GDAP2: variants seen among roughly 807,000 people sequenced by gnomAD.
GDAP2 encodes ganglioside-induced differentiation-associated protein 2.
In GDAP2, 51 loss-of-function variants were observed where a neutral mutation model predicts 67.0. The observed-to-expected ratio is 0.76, with a 90% CI of 0.61 to 0.96. The LOEUF (loss-of-function observed/expected upper bound fraction) is 0.96. Among genes scored for constraint, GDAP2 ranks in the 40% least tolerant of loss-of-function variants. GDAP2 has a pLI of 0.00. For synonymous variants in GDAP2, 203 were observed against 207.3 expected (o/e 0.98, Z 0.18); for missense variants, 547 against 588.3 (o/e 0.93, Z 0.73).
chr1:117,922,946 G>A (rs990914987), intron 1 of GDAP2, among the ~76,000 whole-genome samples: 4 of 152,180 alleles, frequency 2.6e-5, no homozygotes, highest in East Asian at 3.8e-4. Flanking sequence ...ACACTCCCAC[G>A]GTGGACATTT....
At chr1:117,874,642 T>C (rs1292834437) in intron 13 of GDAP2, among the ~76,000 whole-genome samples, 1 of 152,142 alleles carries the variant, frequency 6.6e-6, no homozygotes, top group Non-Finnish European at 1.5e-5. Context: ...GCTTTGGAAC[T>C]GGGTAATGGG....
chr1:117,902,852 T>A (rs964848602), intron 6 of GDAP2, among the ~76,000 whole-genome samples: 12 of 152,210 alleles, frequency 7.9e-5, no homozygotes, highest in Non-Finnish European at 1.3e-4. Flanking sequence ...GGGAGTATGG[T>A]CAGTACTGTT....
intron 1 of GDAP2, among the ~76,000 whole-genome samples, chr1:117,923,964 C>A (rs1028978624): frequency 6.6e-6 from 1 of 152,172 alleles, no homozygotes; most frequent in Non-Finnish European, 1.5e-5. Flanking sequence ...CTGTAGTGTC[C>A]CACAGTCTGG....
At chr1:117,870,661 A>T (rs1442141204) in intron 13 of GDAP2, 45 bp from the exon 14 acceptor site, 1 of 1,235,452 alleles carries the variant, frequency 8.1e-7, no homozygotes, top group Admixed American at 1.7e-5. Flanking sequence ...AACAGAACCA[A>T]TTTAACTGGA....
intron 10 of GDAP2, among the ~76,000 whole-genome samples, chr1:117,886,034 A>C (rs1021950336): frequency 1.3e-5 from 2 of 152,158 alleles, no homozygotes; most frequent in African/African-American, 4.8e-5. Flanking sequence ...ATAATTATTT[A>C]AGAGTTAAGG....
chr1:117,874,083 T>A (rs1294559317), intron 13 of GDAP2, among the ~76,000 whole-genome samples: 1 of 152,226 alleles, frequency 6.6e-6, no homozygotes, highest in Non-Finnish European at 1.5e-5. Flanking sequence ...AGCACTAATA[T>A]GTAAAGTTAC....
At chr1:117,871,384 T>C (rs893687352) in intron 13 of GDAP2, among the ~76,000 whole-genome samples, 1 of 152,238 alleles carries the variant, frequency 6.6e-6, no homozygotes, top group Non-Finnish European at 1.5e-5. Context: ...ATTAGATTTA[T>C]GAGACTTAAG....
At chr1:117,883,738 C>T (rs1309328220) in intron 10 of GDAP2, 111 bp from the exon 11 acceptor site, 4 of 645,788 alleles carry the variant, frequency 6.2e-6, no homozygotes, top group Non-Finnish European at 1.0e-5. Flanking sequence ...CTACTCTATG[C>T]CCTAGTCATC....
intron 1 of GDAP2, among the ~76,000 whole-genome samples, chr1:117,926,522 T>G (rs569670807): frequency 3.3e-5 from 5 of 152,298 alleles, no homozygotes; most frequent in African/African-American, 1.2e-4. Context: ...TTAACAGAGG[T>G]TGAATTCTTT....
chr1:117,874,084 G>A (rs563266403), intron 13 of GDAP2, among the ~76,000 whole-genome samples: 225 of 152,312 alleles, frequency 1.5e-3, no homozygotes, highest in African/African-American at 5.3e-3. Flanking sequence ...GCACTAATAT[G>A]TAAAGTTACT....
chr1:117,912,128 A>T, intron 4 of GDAP2, 46 bp from the exon 5 acceptor site: 1 of 1,033,192 alleles, frequency 9.7e-7, no homozygotes, highest in Non-Finnish European at 1.5e-6. Flanking sequence ...AATATCAGTA[A>T]TACATACACA....
intron 1 of GDAP2, 57 bp from the exon 2 acceptor site, chr1:117,920,481 C>A: frequency 1.7e-6 from 1 of 577,742 alleles, no homozygotes. Context: ...TACTTGAATT[C>A]TATTAAAGCA....
chr1:117,881,776 G>T, intron 12 of GDAP2, 47 bp downstream of exon 12: 1 of 914,376 alleles, frequency 1.1e-6, no homozygotes, highest in Non-Finnish European at 1.8e-6. Flanking sequence ...CTCTGGGCAT[G>T]CAGTGCACAT....
At chr1:117,877,799 C>T (rs1003685236) in intron 13 of GDAP2, 10 of 1,255,532 alleles carry the variant, frequency 8.0e-6, no homozygotes, top group East Asian at 3.1e-5. Context: ...CCCACTGAAA[C>T]GTTTATCTGG....
chr1:117,920,561 T>C, intron 1 of GDAP2, 137 bp from the exon 2 acceptor site: 1 of 381,690 alleles, frequency 2.6e-6, no homozygotes, highest in Non-Finnish European at 4.8e-6. Context: ...AAAAGTCCAT[T>C]AAAAACAATG....
At chr1:117,895,092 G>A (rs1353544554) in intron 8 of GDAP2, among the ~76,000 whole-genome samples, 1 of 151,976 alleles carries the variant, frequency 6.6e-6, no homozygotes, top group Non-Finnish European at 1.5e-5. Context: ...TCTGTCCAAA[G>A]TACAGAACAC....
intron 13 of GDAP2, among the ~76,000 whole-genome samples, chr1:117,875,893 G>T (rs994014537): frequency 2.0e-5 from 3 of 152,122 alleles, no homozygotes; most frequent in Non-Finnish European, 4.4e-5. Flanking sequence ...CAAATAATTT[G>T]ATTTTGAGTT....
intron 8 of GDAP2, among the ~76,000 whole-genome samples, chr1:117,891,569 T>C (rs2101131304): frequency 6.6e-6 from 1 of 152,212 alleles, no homozygotes; most frequent in East Asian, 1.9e-4. Flanking sequence ...CTATCATTTT[T>C]CCATTTTTTA....
At chr1:117,894,202 T>C (rs1260900667) in intron 8 of GDAP2, among the ~76,000 whole-genome samples, 3 of 151,880 alleles carry the variant, frequency 2.0e-5, no homozygotes, top group Non-Finnish European at 4.4e-5. Flanking sequence ...TGCAGTGGTG[T>C]GATCACAGCT....
Sources: gnomAD v4.1 joint callset for allele counts (sites outside exome capture counted in the v4.1 genomes callset) on GRCh38, gnomAD v4.1.1 for gene constraint, MANE v1.5 for transcripts, NCBI Gene and HGNC (gene_info 2026-07-23, HGNC 2026-07-21) for gene names.